Variants in PTK2 observed in about 807,000 individuals in gnomAD.
PTK2 encodes the protein focal adhesion kinase 1.
Under a neutral mutation model 150.1 loss-of-function variants are expected in PTK2, and 45 were observed. The ratio of observed to expected loss-of-function variants is 0.30; its 90% confidence interval spans 0.24 to 0.38. The LOEUF is 0.38. Ranked by LOEUF, PTK2 falls within the 10% of genes least tolerant of loss-of-function variation. The probability of loss-of-function intolerance (pLI) is 1.00; values close to 1 mark genes in which losing one functional copy is unlikely to be tolerated. For missense variants in PTK2, 919 were observed against 1,307.3 expected, an observed-to-expected ratio of 0.70 and a Z score of 4.58; for synonymous variants, 432 against 449.2, an observed-to-expected ratio of 0.96 and a Z score of 0.48.
At chr8:140,827,543 A>AG (rs1226770957) in intron 8 of PTK2, among the ~76,000 whole-genome samples, 1 of 152,014 alleles carries the variant, frequency 6.6e-6, no homozygotes, top group South Asian at 2.1e-4. Flanking sequence ...GGTTTTTTTT[A>AG]GGGGGGTGGG....
At chr8:140,668,011 A>C (rs2093364892) in intron 30 of PTK2, among the ~76,000 whole-genome samples, 1 of 152,182 alleles carries the variant, frequency 6.6e-6, no homozygotes, top group African/African-American at 2.4e-5. Context: ...GTGAGTGGTA[A>C]TTATTAAAAG....
At chr8:140,778,919 C>T (rs1210571780) in intron 14 of PTK2, among the ~76,000 whole-genome samples, 1 of 151,904 alleles carries the variant, frequency 6.6e-6, no homozygotes, top group African/African-American at 2.4e-5. Context: ...AAGTGTAGGT[C>T]TCACAGGAAA....
At chr8:140,707,147 T>C (rs575632395) in intron 23 of PTK2, among the ~76,000 whole-genome samples, 1 of 152,278 alleles carries the variant, frequency 6.6e-6, no homozygotes, top group East Asian at 1.9e-4. Context: ...GAAAGATTAA[T>C]ATAGATAGCA....
At position 140,887,203 on chromosome 8, in the gene PTK2, G is replaced by A. The variant is rs896098904; in HGVS notation, c.195+3340C>T. Among the ~76,000 whole-genome samples, 6 of 152,288 alleles carry A rather than the reference G, an allele frequency of 3.9e-5. No individual in the cohort carries two copies. In the East Asian group the frequency reaches 5.8e-4, roughly 15 times the overall value. On this transcript the variant is annotated intron_variant, in intron 3 of 31. Coordinates refer to ENST00000522684, the Ensembl canonical transcript of PTK2. ...AGGTCCACAGGTTGAGGCTGGCTACGTAGATGGAGAGTGCTTGTGTGACCC... is the reference window on the plus strand; with the variant it reads ...AGGTCCACAGGTTGAGGCTGGCTACATAGATGGAGAGTGCTTGTGTGACCC...
At chr8:140,674,374 C>T (rs1266242346) in exon 29 of PTK2, 2 of 1,603,676 alleles carry the variant, frequency 1.2e-6, no homozygotes, top group Non-Finnish European at 1.7e-6. Flanking sequence ...AGCTCCAGGG[C>T]GAGGCGGTTT....
chr8:140,986,589 G>A (rs1366821574), intron 1 of PTK2, among the ~76,000 whole-genome samples: 4 of 152,220 alleles, frequency 2.6e-5, no homozygotes, highest in Admixed American at 2.6e-4. Context: ...GGGGGAGACA[G>A]GAATAAAAGA....
At chr8:140,975,499 G>A (rs528764364) in intron 1 of PTK2, among the ~76,000 whole-genome samples, 194 of 152,146 alleles carry the variant, frequency 1.3e-3, no homozygotes, top group Non-Finnish European at 2.4e-3. Flanking sequence ...CCCATCTTCC[G>A]CTGAAAAATA....
chr8:140,952,681 C>T (rs2100179905), intron 1 of PTK2, among the ~76,000 whole-genome samples: 1 of 152,166 alleles, frequency 6.6e-6, no homozygotes, highest in Non-Finnish European at 1.5e-5. Flanking sequence ...GAGATATGTA[C>T]TGTAACAACA....
intron 14 of PTK2, among the ~76,000 whole-genome samples, chr8:140,777,663 T>C (rs1478099275): frequency 2.0e-5 from 3 of 152,210 alleles, no homozygotes; most frequent in Non-Finnish European, 4.4e-5. Context: ...ACTGCAGTAA[T>C]GGGTGCTTTA....
chr8:140,686,939 G>C, intron 26 of PTK2: 1 of 487,462 alleles, frequency 2.1e-6, no homozygotes, highest in Non-Finnish European at 3.7e-6. Flanking sequence ...CCCAGTGCTG[G>C]AGAACCTGCA....
At chr8:140,764,960 G>GT (rs1234612260) in intron 14 of PTK2, 6 of 152,160 alleles carry the variant, frequency 3.9e-5, no homozygotes, top group African/African-American at 1.4e-4. Flanking sequence ...AAGTTCCAAT[G>GT]TATCTACCTA....
intron 1 of PTK2, among the ~76,000 whole-genome samples, chr8:140,944,763 C>T (rs1180068464): frequency 6.6e-6 from 1 of 152,176 alleles, no homozygotes; most frequent in East Asian, 1.9e-4. Flanking sequence ...AACGGCCTGA[C>T]CATCCATGAG....
At chr8:140,708,549 G>GA (rs1039521067) in intron 23 of PTK2, among the ~76,000 whole-genome samples, 2 of 152,102 alleles carry the variant, frequency 1.3e-5, no homozygotes, top group Admixed American at 6.6e-5. Flanking sequence ...TCCTGAGGGT[G>GA]AAAAATCCTT....
intron 16 of PTK2, among the ~76,000 whole-genome samples, chr8:140,759,331 A>G (rs2100067834): frequency 6.6e-6 from 1 of 151,912 alleles, no homozygotes. Context: ...AAAAAGTTAA[A>G]CATTCCAGCC....
chr8:140,685,880 T>G lies in PTK2; in HGVS notation c.2562+752A>C, dbSNP rs192962660. Among the ~76,000 whole-genome samples the G allele has an allele frequency of 5.9e-5, 9 of 152,314 alleles. No homozygotes were observed. In the East Asian group the frequency reaches 1.7e-3, roughly 29 times the overall value. On this transcript the variant is annotated intron_variant, in intron 27 of 31. Coordinates refer to ENST00000522684, the Ensembl canonical transcript of PTK2. ...AGCATTTGACCCAGCAATCCCCTTA[T>G]TGGGTACACACCCAAAGGAATATAA...
intron 4 of PTK2, among the ~76,000 whole-genome samples, chr8:140,873,652 G>A (rs4074813): frequency 0.41 from 61,792 of 151,832 alleles, 14,606 homozygotes; most frequent in Non-Finnish European, 0.54. Context: ...TTTAGTAGAG[G>A]CGGGGGTTTC....
chr8:140,792,590 CTAA>C (rs984829764), intron 13 of PTK2, among the ~76,000 whole-genome samples: 3 of 152,190 alleles, frequency 2.0e-5, no homozygotes, highest in African/African-American at 7.2e-5. Context: ...GCCCAGATAG[CTAA>C]ACACGGGGGA....
At chr8:140,738,730 A>G (rs1304112122) in intron 21 of PTK2, among the ~76,000 whole-genome samples, 3 of 152,224 alleles carry the variant, frequency 2.0e-5, no homozygotes, top group African/African-American at 7.2e-5. Context: ...AATAAGCAAA[A>G]TATCCCCCTG....
chr8:140,900,647 G>A lies in PTK2; in HGVS notation c.-32-9878C>T, dbSNP rs1232462506. Among the ~76,000 whole-genome samples the A allele has an allele frequency of 2.0e-5, 3 of 151,948 alleles. No individual in the cohort carries two copies. The East Asian group carries it at 5.8e-4, about 29-fold the overall frequency. On this transcript the variant is annotated intron_variant, in intron 2 of 31. Transcript: ENST00000522684. ...TGAGCCATCAGAACAGCTTGAACCCGGGAGGTGGGGGATGCAGTGAGCCGA... is the reference window on the plus strand; with the variant it reads ...TGAGCCATCAGAACAGCTTGAACCCAGGAGGTGGGGGATGCAGTGAGCCGA...
Sources: gnomAD v4.1 joint callset for allele counts (sites outside exome capture counted in the v4.1 genomes callset) on GRCh38, gnomAD v4.1.1 for gene constraint, MANE v1.5 for transcripts, NCBI Gene and HGNC (gene_info 2026-07-23, HGNC 2026-07-21) for gene names.